WWP1: variants seen among roughly 807,000 people sequenced by gnomAD.
WWP1 encodes WW domain containing E3 ubiquitin protein ligase 1.
A neutral mutation model predicts 130.6 loss-of-function variants in WWP1; 49 were observed. The observed-to-expected ratio is 0.38, with a 90% confidence interval of 0.30 to 0.48. The LOEUF (loss-of-function observed/expected upper bound fraction) is 0.48, where lower values mean the gene tolerates loss of function less well. Ranked by LOEUF, WWP1 falls within the 20% of genes least tolerant of loss-of-function variation. The pLI, the probability that WWP1 is intolerant of heterozygous loss-of-function variation, is 0.99. For synonymous variants in WWP1, 332 were observed against 367.8 expected (o/e 0.90, Z 1.11); for missense variants, 809 against 1,100.6 (o/e 0.74, Z 3.75).
At chr8:86,461,393 C>G in intron 23 of WWP1, 73 bp downstream of exon 23, 2 of 1,262,430 alleles carry the variant, frequency 1.6e-6, no homozygotes, top group South Asian at 2.5e-5. Flanking sequence ...ATACAATAGA[C>G]TTGATTGAAC....
chr8:86,381,395 T>C, intron 4 of WWP1, 110 bp from the exon 5 acceptor site: 1 of 1,302,260 alleles, frequency 7.7e-7, no homozygotes, highest in East Asian at 2.6e-5. Context: ...TAAATGAAAT[T>C]CACGGTTTTT....
intron 16 of WWP1, 47 bp from the exon 17 acceptor site, chr8:86,438,538 T>C (rs760880230): frequency 3.6e-6 from 5 of 1,397,050 alleles, no homozygotes; most frequent in Non-Finnish European, 4.9e-6. Context: ...GAAAGGAACT[T>C]GTACTGCATG....
chr8:86,446,783 G>T (rs1032526727), intron 18 of WWP1, among the ~76,000 whole-genome samples: 2 of 152,166 alleles, frequency 1.3e-5, no homozygotes, highest in South Asian at 4.1e-4. Context: ...GATAAAGTCA[G>T]AATATAAGGA....
At position 86,356,898 on chromosome 8, in the gene WWP1, CAACTGTAAGCATAAATTA is replaced by C. The variant is rs143926153; in HGVS notation, c.-114-12038_-114-12021del. The stretch of plus-strand genomic sequence containing the variant: ...GAATATTGTTGCAAGGTTGTTTCCA[CAACTGTAAGCATAAATTA>C]AATTGTTCTCTGATGTTGGCCAACG... On this transcript the variant is annotated intron_variant, in intron 1 of 24. Transcript: ENST00000517970. Among the ~76,000 whole-genome samples the C allele has an allele frequency of 7.2e-3, 1,099 of 152,308 alleles. 13 individuals are homozygous for C. Among genetic ancestry groups the C allele is most frequent in the East Asian group, 0.063 (324 of 5,176 alleles).
At chr8:86,415,895 C>T (rs555171960) in intron 9 of WWP1, among the ~76,000 whole-genome samples, 14 of 152,166 alleles carry the variant, frequency 9.2e-5, no homozygotes, top group South Asian at 4.1e-4. Context: ...CTATATTCTT[C>T]GTGCTCAAAA....
chr8:86,422,323 T>TATGTATGTATG (rs769712215), intron 9 of WWP1, among the ~76,000 whole-genome samples: 979 of 69,550 alleles, frequency 0.014, 8 homozygotes, highest in African/African-American at 0.024. Flanking sequence ...CAGTTTGTAT[T>TATGTATGTATG]TATTTATTTA....
intron 1 of WWP1, among the ~76,000 whole-genome samples, chr8:86,362,833 G>A (rs1443900725): frequency 6.6e-6 from 1 of 152,104 alleles, no homozygotes; most frequent in Non-Finnish European, 1.5e-5. Context: ...GCTGGGATTA[G>A]TATCTCAAAA....
At chr8:86,446,864 G>T (rs913030495) in intron 18 of WWP1, among the ~76,000 whole-genome samples, 49 of 152,196 alleles carry the variant, frequency 3.2e-4, no homozygotes, top group Non-Finnish European at 4.9e-4. Context: ...GTGATGGAAA[G>T]ATTATCTATA....
intron 5 of WWP1, among the ~76,000 whole-genome samples, chr8:86,388,838 T>C (rs957889409): frequency 2.6e-5 from 4 of 152,198 alleles, no homozygotes; most frequent in Non-Finnish European, 5.9e-5. Flanking sequence ...TTTTGACTTC[T>C]GCAGTCTTTT....
At chr8:86,360,411 T>A (rs1823523184) in intron 1 of WWP1, among the ~76,000 whole-genome samples, 1 of 152,172 alleles carries the variant, frequency 6.6e-6, no homozygotes, top group Non-Finnish European at 1.5e-5. Context: ...AATTCTTCCT[T>A]GAAGTTTTCT....
chr8:86,397,618 A>G (rs984704620), intron 5 of WWP1, among the ~76,000 whole-genome samples: 2 of 152,192 alleles, frequency 1.3e-5, no homozygotes, highest in Non-Finnish European at 2.9e-5. Flanking sequence ...ACTAATGACT[A>G]TTAATATATA....
At chr8:86,416,454 C>T (rs1414546066) in intron 9 of WWP1, among the ~76,000 whole-genome samples, 1 of 152,150 alleles carries the variant, frequency 6.6e-6, no homozygotes, top group Non-Finnish European at 1.5e-5. Context: ...GTAGTTATGA[C>T]AAGGCAGCAA....
At chr8:86,362,719 C>T (rs890616393) in intron 1 of WWP1, among the ~76,000 whole-genome samples, 3 of 152,002 alleles carry the variant, frequency 2.0e-5, no homozygotes, top group Admixed American at 6.6e-5. Context: ...TATACCACTT[C>T]AGAAAGTAGG....
chr8:86,378,636 TA>T (rs1824807639), intron 3 of WWP1, among the ~76,000 whole-genome samples: 1 of 152,224 alleles, frequency 6.6e-6, no homozygotes. Flanking sequence ...TCTAGTTATT[TA>T]AAATCACATT....
At chr8:86,458,140 AT>A in intron 22 of WWP1, 115 bp downstream of exon 22, 4 of 796,198 alleles carry the variant, frequency 5.0e-6, no homozygotes, top group Admixed American at 2.8e-5. Flanking sequence ...ACAGTTTATA[AT>A]TTTTTAATTC....
intron 1 of WWP1, among the ~76,000 whole-genome samples, chr8:86,347,359 CTAGT>C (rs1207602992): frequency 6.6e-6 from 1 of 151,778 alleles, no homozygotes; most frequent in East Asian, 1.9e-4. Flanking sequence ...AAGTATGTGG[CTAGT>C]TAGTGGCCAC....
chr8:86,368,491 T>A (rs1408067366), intron 1 of WWP1, among the ~76,000 whole-genome samples: 2 of 152,158 alleles, frequency 1.3e-5, no homozygotes, highest in African/African-American at 4.8e-5. Flanking sequence ...ATGGTGCCAA[T>A]GCTCTAGTTC....
At chr8:86,392,565 A>G (rs1807412597) in intron 5 of WWP1, among the ~76,000 whole-genome samples, 1 of 152,236 alleles carries the variant, frequency 6.6e-6, no homozygotes, top group Non-Finnish European at 1.5e-5. Context: ...ATGATTTATA[A>G]TGAATAAATC....
intron 20 of WWP1, among the ~76,000 whole-genome samples, chr8:86,451,420 A>C (rs1350395879): frequency 2.0e-5 from 3 of 152,174 alleles, no homozygotes; most frequent in African/African-American, 7.2e-5. Context: ...TTGGTTGAAT[A>C]GAAGGTGAGA....
Sources: gnomAD v4.1 joint callset for allele counts (sites outside exome capture counted in the v4.1 genomes callset) on GRCh38, gnomAD v4.1.1 for gene constraint, MANE v1.5 for transcripts, NCBI Gene and HGNC (gene_info 2026-07-23, HGNC 2026-07-21) for gene names.